EXOC4: variants seen among roughly 807,000 people sequenced by gnomAD.
EXOC4 encodes the protein SEC8-like 1.
Under a neutral mutation model 107.2 loss-of-function variants are expected in EXOC4, and 71 were observed. The observed-to-expected ratio is 0.66, with a 90% CI of 0.55 to 0.81. The LOEUF (loss-of-function observed/expected upper bound fraction) is 0.81, where lower values mean the gene tolerates loss of function less well. EXOC4 is among the 30% of genes least tolerant of loss of function. EXOC4 has a pLI of 0.00. For synonymous variants in EXOC4, 456 were observed against 441.2 expected (o/e 1.03, Z -0.42); for missense variants, 1,108 against 1,189.6 (o/e 0.93, Z 1.01).
intron 9 of EXOC4, among the ~76,000 whole-genome samples, chr7:133,530,992 T>G (rs1436677805): frequency 6.6e-6 from 1 of 152,132 alleles, no homozygotes; most frequent in African/African-American, 2.4e-5. Flanking sequence ...AGGTTGGCCT[T>G]TCTGACATCG....
intron 7 of EXOC4, among the ~76,000 whole-genome samples, chr7:133,468,465 C>G (rs546547520): frequency 1.3e-5 from 2 of 152,104 alleles, no homozygotes; most frequent in African/African-American, 4.8e-5. Flanking sequence ...GAGGAAAACT[C>G]GATAAGTTTT....
At chr7:133,603,017 T>G (rs1055971552) in intron 9 of EXOC4, among the ~76,000 whole-genome samples, 2 of 152,246 alleles carry the variant, frequency 1.3e-5, no homozygotes, top group African/African-American at 4.8e-5. Context: ...CAGTTAATGA[T>G]ATGCTCTTTT....
chr7:133,365,968 T>C (rs1796241920), intron 6 of EXOC4, among the ~76,000 whole-genome samples: 1 of 152,178 alleles, frequency 6.6e-6, no homozygotes, highest in South Asian at 2.1e-4. Flanking sequence ...CTTTTGTCAG[T>C]GGGGAAAAGC....
chr7:133,704,414 C>T (rs1228997905), intron 10 of EXOC4, among the ~76,000 whole-genome samples: 2 of 152,212 alleles, frequency 1.3e-5, no homozygotes, highest in Non-Finnish European at 2.9e-5. Flanking sequence ...ACTTACACTG[C>T]TATTCAGTTT....
At chr7:133,359,411 A>G (rs1796091779) in intron 6 of EXOC4, among the ~76,000 whole-genome samples, 1 of 152,180 alleles carries the variant, frequency 6.6e-6, no homozygotes, top group African/African-American at 2.4e-5. Flanking sequence ...TTTATTTCAG[A>G]GAGAAGTAAA....
the EXOC4 span, among the ~76,000 whole-genome samples, chr7:134,093,334 T>G: frequency 6.6e-6 from 1 of 152,138 alleles, no homozygotes; most frequent in Non-Finnish European, 1.5e-5. Context: ...AGAAGGGCAT[T>G]ACATAATGAT....
chr7:133,688,212 G>A (rs1323015990), intron 10 of EXOC4, among the ~76,000 whole-genome samples: 11 of 152,132 alleles, frequency 7.2e-5, no homozygotes, highest in African/African-American at 2.7e-4. Flanking sequence ...GTGATAGGTG[G>A]CCTTTATGTG....
intron 5 of EXOC4, among the ~76,000 whole-genome samples, chr7:133,331,404 A>C (rs1472580598): frequency 6.6e-6 from 1 of 152,088 alleles, no homozygotes; most frequent in Non-Finnish European, 1.5e-5. Context: ...AATGCTAAGA[A>C]ATATATGAAA....
At chr7:134,025,717 T>C (rs1376318162) in intron 17 of EXOC4, among the ~76,000 whole-genome samples, 3 of 152,202 alleles carry the variant, frequency 2.0e-5, no homozygotes, top group Non-Finnish European at 2.9e-5. Flanking sequence ...AGATTTTCCA[T>C]GTGATTTCTT....
chr7:133,277,052 C>T (rs1261259236), intron 2 of EXOC4, among the ~76,000 whole-genome samples: 1 of 151,928 alleles, frequency 6.6e-6, no homozygotes, highest in African/African-American at 2.4e-5. Context: ...GCCTCCGCCT[C>T]CCGGGTTCAA....
intron 10 of EXOC4, among the ~76,000 whole-genome samples, chr7:133,791,665 C>T (rs772787396): frequency 5.3e-5 from 8 of 152,194 alleles, no homozygotes; most frequent in Non-Finnish European, 1.0e-4. Context: ...AACGACTTTG[C>T]ACACTTGTAA....
At chr7:133,315,989 C>T (rs1794982287) in intron 4 of EXOC4, among the ~76,000 whole-genome samples, 2 of 152,188 alleles carry the variant, frequency 1.3e-5, no homozygotes, top group Non-Finnish European at 2.9e-5. Context: ...TAGTGATCCT[C>T]AAGGCCTAGG....
intron 11 of EXOC4, among the ~76,000 whole-genome samples, chr7:133,819,236 C>T (rs577804994): frequency 2.0e-5 from 3 of 151,128 alleles, no homozygotes; most frequent in African/African-American, 7.3e-5. Context: ...TAAGTTATTT[C>T]TTCATTCATA....
intron 7 of EXOC4, among the ~76,000 whole-genome samples, chr7:133,448,617 G>T (rs1332075922): frequency 6.6e-6 from 1 of 152,092 alleles, no homozygotes; most frequent in East Asian, 1.9e-4. Context: ...CCTAGAGCAG[G>T]TCTTAAGCCT....
intron 5 of EXOC4, among the ~76,000 whole-genome samples, chr7:133,346,614 C>T (rs983338579): frequency 3.3e-5 from 5 of 152,228 alleles, no homozygotes; most frequent in Middle Eastern, 6.8e-3. Flanking sequence ...AGGTTCTCAT[C>T]TGTGGGGCTT....
intron 11 of EXOC4, among the ~76,000 whole-genome samples, chr7:133,890,480 G>A (rs1585226384): frequency 1.5e-5 from 2 of 135,418 alleles, no homozygotes; most frequent in Non-Finnish European, 3.1e-5. Flanking sequence ...TTGGTGTTTT[G>A]GACATGAAGT....
chr7:133,834,789 A>G (rs1207560177), intron 11 of EXOC4, among the ~76,000 whole-genome samples: 2 of 152,216 alleles, frequency 1.3e-5, no homozygotes, highest in African/African-American at 4.8e-5. Flanking sequence ...CTTTAAGTGA[A>G]TGATATAGTT....
chr7:133,305,354 T>TA (rs1203583504), intron 3 of EXOC4, among the ~76,000 whole-genome samples: 1 of 152,154 alleles, frequency 6.6e-6, no homozygotes, highest in Non-Finnish European at 1.5e-5. Flanking sequence ...AGCATTCATG[T>TA]AAAAAAATGT....
At chr7:133,624,649 G>A (rs1243494184) in intron 9 of EXOC4, among the ~76,000 whole-genome samples, 1 of 152,092 alleles carries the variant, frequency 6.6e-6, no homozygotes, top group African/African-American at 2.4e-5. Flanking sequence ...TTGGAATGCA[G>A]TGGCATGATC....
Sources: gnomAD v4.1 joint callset for allele counts (sites outside exome capture counted in the v4.1 genomes callset) on GRCh38, gnomAD v4.1.1 for gene constraint, MANE v1.5 for transcripts, NCBI Gene and HGNC (gene_info 2026-07-23, HGNC 2026-07-21) for gene names.